The following CDH4 variants were observed in gnomAD, a reference collection of about 807,000 sequenced individuals.
CDH4 encodes the protein cadherin-4.
A neutral mutation model predicts 86.0 loss-of-function variants in CDH4; 33 were observed. The ratio of observed to expected loss-of-function variants is 0.38; its 90% CI spans 0.29 to 0.51. The LOEUF (loss-of-function observed/expected upper bound fraction) is 0.51, where lower values mean the gene tolerates loss of function less well. Among genes scored for constraint, CDH4 ranks in the 20% least tolerant of loss-of-function variants. CDH4 has a pLI of 0.86. For missense variants in CDH4, 1,114 were observed against 1,307.4 expected (o/e 0.85, Z 2.28); for synonymous variants, 555 against 549.4 (o/e 1.01, Z -0.14).
chr20:61,810,034 A>G lies in CDH4; in HGVS notation c.577-34634A>G, dbSNP rs1222904087. Among the ~76,000 whole-genome samples, 2 of 152,224 alleles carry G rather than the reference A, an allele frequency of 1.3e-5. No homozygotes were observed. Among genetic ancestry groups the G allele is most frequent in the Non-Finnish European group, 2.9e-5 (2 of 68,048 alleles). On this transcript the variant is annotated intron_variant, in intron 4 of 15. Transcript: ENST00000614565. The surrounding 1 kb of genome is among the most constrained non-coding windows in gnomAD (Gnocchi z 4.3). ...TGATAATCCTGCATAACAACCACCC[A>G]TAAAACCTCAGTGACATCCAACCAC... is the stretch of plus-strand genomic sequence containing the variant.
In CDH4 at chr20:61,754,760, A is replaced by C; in HGVS notation, c.396+10971A>C. On this transcript the variant is annotated intron_variant, in intron 3 of 15. Coordinates refer to ENST00000614565, the MANE Select transcript of CDH4 (RefSeq NM_001794.5). This position sits in a 1 kb window ranked among gnomAD's most constrained non-coding sequence, Gnocchi z 4.7. ...CACACACTATGCACACCACACACAC[A>C]GTGCATGCCACACACACCACACACA... Among the ~76,000 whole-genome samples the C allele has an allele frequency of 6.9e-6, 1 of 144,558 alleles. No individual in the cohort carries two copies. The highest frequency in any genetic ancestry group is 2.0e-4 in the East Asian group (1 of 4,910). The allele number at this position is 144,558 out of a possible 152,430, so 94.8% of individuals were successfully genotyped here. A position where few individuals can be genotyped will look rare whatever the true frequency, so the allele number is the denominator to read the frequency against.
chr20:61,927,078 C>T (rs1568893417), intron 11 of CDH4, among the ~76,000 whole-genome samples: 5 of 152,214 alleles, frequency 3.3e-5, no homozygotes, highest in Non-Finnish European at 5.9e-5. Flanking sequence ...GGTAGCGCCG[C>T]GCTGCGTCAC....
intron 2 of CDH4, among the ~76,000 whole-genome samples, chr20:61,358,909 G>A (rs968895652): frequency 7.9e-5 from 12 of 152,138 alleles, no homozygotes; most frequent in African/African-American, 2.9e-4. Flanking sequence ...TGACGGGGGG[G>A]TTTACTCCGT....
chr20:61,469,807 T>C (rs1228623363), intron 2 of CDH4, among the ~76,000 whole-genome samples: 1 of 152,212 alleles, frequency 6.6e-6, no homozygotes, highest in Non-Finnish European at 1.5e-5. Context: ...CACCATTTAT[T>C]GAAGAGACAG....
chr20:61,438,130 G>A (rs183045309), intron 2 of CDH4, among the ~76,000 whole-genome samples: 11 of 152,280 alleles, frequency 7.2e-5, no homozygotes, highest in African/African-American at 2.2e-4. Flanking sequence ...TTCTGATTCA[G>A]GTGTCCCAAA....
At chr20:61,591,109 G>A (rs2086516461) in intron 2 of CDH4, among the ~76,000 whole-genome samples, 3 of 152,062 alleles carry the variant, frequency 2.0e-5, no homozygotes, top group South Asian at 2.1e-4. Context: ...AAGTACCAGG[G>A]CTGGACCTAC....
At chr20:61,325,254 C>G (rs1407362976) in intron 2 of CDH4, among the ~76,000 whole-genome samples, 1 of 151,032 alleles carries the variant, frequency 6.6e-6, no homozygotes, top group Non-Finnish European at 1.5e-5. Context: ...CTTTTAAAGT[C>G]TTTCATGTAG....
chr20:61,363,770 G>C (rs2084796945), intron 2 of CDH4, among the ~76,000 whole-genome samples: 3 of 152,224 alleles, frequency 2.0e-5, no homozygotes, highest in African/African-American at 7.2e-5. Context: ...AAGCTACCAG[G>C]TCAGTGTTTC....
Position 61,489,098 on chromosome 20 carries a change from T to A in CDH4, c.169+234161T>A, listed in dbSNP as rs534833704. The stretch of plus-strand genomic sequence containing the variant: ...TGCTTGGAAGCTCCTGGGTATTAAG[T>A]CTGGGCAACCCCATCTCCTCCCAGC... On this transcript the variant is annotated intron_variant, in intron 2 of 15. Transcript: ENST00000614565. 2.0e-5 allele frequency among the ~76,000 whole-genome samples: 3 copies of A among 152,262 alleles called. No individual in the cohort carries two copies. The South Asian group carries it at 6.2e-4, about 32-fold the overall frequency.
intron 4 of CDH4, among the ~76,000 whole-genome samples, chr20:61,842,161 T>G (rs1007377786): frequency 6.6e-6 from 1 of 152,236 alleles, no homozygotes; most frequent in Non-Finnish European, 1.5e-5. Context: ...ATGATTGTCA[T>G]CGTGCTGCAG....
At chr20:61,654,049 G>A (rs1440951885) in intron 2 of CDH4, among the ~76,000 whole-genome samples, 2 of 151,922 alleles carry the variant, frequency 1.3e-5, no homozygotes, top group African/African-American at 2.4e-5. Context: ...CTGCAATCTT[G>A]GCACTTTGGG....
At chr20:61,818,371 C>T (rs1237527968) in intron 4 of CDH4, among the ~76,000 whole-genome samples, 1 of 152,112 alleles carries the variant, frequency 6.6e-6, no homozygotes, top group African/African-American at 2.4e-5. Context: ...GTCTCTAGGT[C>T]AGAATTCCAA....
chr20:61,862,649 C>T (rs1371771306), intron 6 of CDH4, among the ~76,000 whole-genome samples: 1 of 152,186 alleles, frequency 6.6e-6, no homozygotes, highest in African/African-American at 2.4e-5. Context: ...CATCAGAGAA[C>T]GAGCTCTCAG....
chr20:61,313,348 G>C (rs1351343283), intron 2 of CDH4, among the ~76,000 whole-genome samples: 1 of 152,184 alleles, frequency 6.6e-6, no homozygotes, highest in East Asian at 1.9e-4. Flanking sequence ...CAGCCGGGTG[G>C]GGAAGTAGGT....
intron 2 of CDH4, among the ~76,000 whole-genome samples, chr20:61,692,431 C>T (rs1306288056): frequency 1.3e-5 from 2 of 152,176 alleles, no homozygotes; most frequent in African/African-American, 4.8e-5. Context: ...TGGTTAACAT[C>T]TTCTTAAAGA....
At chr20:61,374,334 G>T (rs535348867) in intron 2 of CDH4, among the ~76,000 whole-genome samples, 1 of 152,180 alleles carries the variant, frequency 6.6e-6, no homozygotes, top group Non-Finnish European at 1.5e-5. Context: ...GAGGAAAGGT[G>T]CAGTTTGAGG....
At chr20:61,339,614 A>G (rs1055475221) in intron 2 of CDH4, among the ~76,000 whole-genome samples, 11 of 152,226 alleles carry the variant, frequency 7.2e-5, no homozygotes, top group Admixed American at 1.3e-4. Context: ...TATTGAGTCC[A>G]GATAAAAATC....
In CDH4 at chr20:61,582,350, G is replaced by A. The variant is rs566798069; in HGVS notation, c.170-161213G>A. ...CCGCTCTCCTCCTTATTGTTCAAGC[G>A]CAGTGAAAAAGGCAGCGTGAGCCCT... On this transcript the variant is annotated intron_variant, in intron 2 of 15. Coordinates refer to ENST00000614565, the MANE Select transcript of CDH4 (RefSeq NM_001794.5). The surrounding 1 kb of genome is among the most constrained non-coding windows in gnomAD (Gnocchi z 4.2). Among the ~76,000 whole-genome samples, 49 of 152,256 alleles carry A rather than the reference G, an allele frequency of 3.2e-4. No individual in the cohort carries two copies. Among genetic ancestry groups the A allele is most frequent in the Admixed American group, 1.4e-3 (21 of 15,310 alleles).
At chr20:61,569,956 G>A (rs55671938) in intron 2 of CDH4, among the ~76,000 whole-genome samples, 12,074 of 152,130 alleles carry the variant, frequency 0.079, 1,023 homozygotes, top group African/African-American at 0.21. Flanking sequence ...GTACAAGGCC[G>A]GTTTTCTGGG....
Sources: gnomAD v4.1 joint callset for allele counts (sites outside exome capture counted in the v4.1 genomes callset) on GRCh38, gnomAD v4.1.1 for gene constraint, Gnocchi (gnomAD v3.1) non-coding constraint, MANE v1.5 for transcripts, NCBI Gene and HGNC (gene_info 2026-07-23, HGNC 2026-07-21) for gene names.